Variants in TASP1 observed in about 807,000 individuals in gnomAD.
TASP1 encodes the protein threonine aspartase 1.
TASP1 carries 16 observed loss-of-function variants against 56.6 expected under a neutral mutation model. The observed-to-expected ratio is 0.28, with a 90% CI of 0.19 to 0.43. The LOEUF is 0.43. Among genes scored for constraint, TASP1 ranks in the 20% least tolerant of loss-of-function variants. The pLI, the probability that TASP1 is intolerant of heterozygous loss-of-function variation, is 1.00. For missense variants in TASP1, 393 were observed against 511.6 expected, an observed-to-expected ratio of 0.77 and a Z score of 2.24; for synonymous variants, 179 against 184.2, an observed-to-expected ratio of 0.97 and a Z score of 0.23.
the TASP1 span, among the ~76,000 whole-genome samples, chr20:13,146,047 TGAATAAA>T: frequency 6.6e-6 from 1 of 152,120 alleles, no homozygotes; most frequent in South Asian, 2.1e-4. Context: ...AATGACAGAC[TGAATAAA>T]GAAAATTTGG....
At chr20:13,507,821 T>C (rs1036123367) in intron 10 of TASP1, among the ~76,000 whole-genome samples, 1 of 152,196 alleles carries the variant, frequency 6.6e-6, no homozygotes, top group African/African-American at 2.4e-5. Context: ...GTGTCCTAAC[T>C]TCAAATTATA....
chr20:13,217,941 C>T, the TASP1 span, among the ~76,000 whole-genome samples: 29 of 152,270 alleles, frequency 1.9e-4, no homozygotes, highest in African/African-American at 7.0e-4. Context: ...ACCTCAGAGT[C>T]CTTTGCCATG....
the TASP1 span, among the ~76,000 whole-genome samples, chr20:13,336,862 C>G: frequency 6.6e-6 from 1 of 152,082 alleles, no homozygotes; most frequent in African/African-American, 2.4e-5. Context: ...CAGTGTGAAC[C>G]CTGGGCCTCC....
chr20:13,575,017 A>G (rs1178522498), intron 6 of TASP1, among the ~76,000 whole-genome samples: 2 of 152,218 alleles, frequency 1.3e-5, no homozygotes, highest in Non-Finnish European at 2.9e-5. Flanking sequence ...AGTTATTACA[A>G]GAAAACTATA....
At chr20:13,508,051 T>C (rs1454863463) in intron 10 of TASP1, among the ~76,000 whole-genome samples, 1 of 152,044 alleles carries the variant, frequency 6.6e-6, no homozygotes, top group Non-Finnish European at 1.5e-5. Flanking sequence ...TGGATCCTTA[T>C]ACCATACACA....
intron 10 of TASP1, among the ~76,000 whole-genome samples, chr20:13,492,062 G>T (rs1011785155): frequency 2.0e-5 from 3 of 152,168 alleles, no homozygotes; most frequent in Admixed American, 1.3e-4. Flanking sequence ...AAGTGAAGTT[G>T]CATTCACAGC....
Position 13,414,249 on chromosome 20 carries a change from C to T in TASP1, c.1170+3199G>A, listed in dbSNP as rs540605472. 7.9e-5 allele frequency among the ~76,000 whole-genome samples: 12 copies of T among 152,198 alleles called. No homozygotes were observed. In the East Asian group the frequency reaches 2.3e-3, roughly 29 times the overall value. ...CTCATTTTAAATGTGTCTGATGTTTCTTCACAGTTAGGTTCAGGTTATACA... is the reference window on the plus strand; with the variant it reads ...CTCATTTTAAATGTGTCTGATGTTTTTTCACAGTTAGGTTCAGGTTATACA... On this transcript the variant is annotated intron_variant, in intron 13 of 13. Coordinates refer to ENST00000337743, the MANE Select transcript of TASP1 (RefSeq NM_017714.3).
In TASP1 at chr20:13,539,929, G is replaced by A. The variant is rs1236210019; in HGVS notation, c.676-5788C>T. 3.3e-5 allele frequency among the ~76,000 whole-genome samples: 5 copies of A among 150,298 alleles called. No individual in the cohort carries two copies. In the East Asian group the frequency reaches 9.8e-4, roughly 29 times the overall value. ...CAGTTTGAAGGGCCTCAGAGTGCAT[G>A]TTGAATGAGTGTGTGTAAGTGATGG... is the stretch of plus-strand genomic sequence containing the variant. On this transcript the variant is annotated intron_variant, in intron 8 of 13. Transcript: ENST00000337743.
At chr20:13,529,151 A>C (rs2045112267) in intron 9 of TASP1, among the ~76,000 whole-genome samples, 1 of 152,212 alleles carries the variant, frequency 6.6e-6, no homozygotes, top group Non-Finnish European at 1.5e-5. Context: ...AGATGAAAAG[A>C]AAGGAGGCAA....
the TASP1 span, among the ~76,000 whole-genome samples, chr20:13,185,865 A>G: frequency 6.6e-6 from 1 of 152,226 alleles, no homozygotes; most frequent in African/African-American, 2.4e-5. Context: ...CTTGGAAGTC[A>G]TCACTCCCAT....
At chr20:13,214,048 C>A in the TASP1 span, among the ~76,000 whole-genome samples, 1 of 152,130 alleles carries the variant, frequency 6.6e-6, no homozygotes, top group Non-Finnish European at 1.5e-5. Flanking sequence ...TCACCTGAAT[C>A]CTGGACAGAA....
chr20:13,186,822 T>G, the TASP1 span, among the ~76,000 whole-genome samples: 1 of 152,334 alleles, frequency 6.6e-6, no homozygotes, highest in African/African-American at 2.4e-5. Context: ...CAATACAATG[T>G]GTTCAACTTT....
chr20:13,305,219 A>C, the TASP1 span, among the ~76,000 whole-genome samples: 1 of 132,622 alleles, frequency 7.5e-6, no homozygotes, highest in Non-Finnish European at 1.6e-5. Context: ...AAAAAAAAAA[A>C]CCCTTAATTT....
At chr20:13,223,036 G>A in the TASP1 span, among the ~76,000 whole-genome samples, 2 of 152,064 alleles carry the variant, frequency 1.3e-5, no homozygotes, top group African/African-American at 4.8e-5. Context: ...GGTGGCGCAC[G>A]CCTGTAGTCC....
At chr20:13,578,226 T>A (rs1169091943) in intron 6 of TASP1, among the ~76,000 whole-genome samples, 4 of 152,072 alleles carry the variant, frequency 2.6e-5, no homozygotes, top group Non-Finnish European at 5.9e-5. Context: ...TTACTAACAA[T>A]TCCTTGATTA....
chr20:13,565,843 C>A (rs575896175), intron 7 of TASP1, among the ~76,000 whole-genome samples: 44 of 151,974 alleles, frequency 2.9e-4, no homozygotes, highest in Non-Finnish European at 2.9e-5. Context: ...AATTCCATTT[C>A]GGGGTACCCA....
At chr20:13,449,187 T>C (rs2043524991) in intron 11 of TASP1, among the ~76,000 whole-genome samples, 1 of 152,088 alleles carries the variant, frequency 6.6e-6, no homozygotes, top group South Asian at 2.1e-4. Flanking sequence ...TATGCTGGTA[T>C]CTTTTATGTG....
chr20:13,266,885 GC>G, the TASP1 span, among the ~76,000 whole-genome samples: 1 of 152,200 alleles, frequency 6.6e-6, no homozygotes, highest in Admixed American at 6.5e-5. Flanking sequence ...CTTGGTAATA[GC>G]TGGACTGATG....
the TASP1 span, among the ~76,000 whole-genome samples, chr20:13,134,540 T>A: frequency 1.3e-5 from 2 of 152,142 alleles, no homozygotes; most frequent in Non-Finnish European, 2.9e-5. Context: ...CAAAGAGTGG[T>A]CCCTGGACCA....
Sources: allele counts gnomAD v4.1 joint callset (sites outside exome capture counted in the v4.1 genomes callset), GRCh38; gene constraint gnomAD v4.1.1; transcripts MANE v1.5; gene names NCBI Gene and HGNC (gene_info 2026-07-23, HGNC 2026-07-21).